DLGAP1: variants seen among roughly 807,000 people sequenced by gnomAD.
DLGAP1 encodes the protein disks large-associated protein 1.
A neutral mutation model predicts 90.8 loss-of-function variants in DLGAP1; 11 were observed. The observed-to-expected ratio is 0.12, with a 90% CI of 0.08 to 0.20. The LOEUF is 0.20. Ranked by LOEUF, DLGAP1 falls within the 10% of genes least tolerant of loss-of-function variation. The pLI, the probability that DLGAP1 is intolerant of heterozygous loss-of-function variation, is 1.00. For missense variants in DLGAP1, 1,050 were observed against 1,333.8 expected (o/e 0.79, Z 3.31); for synonymous variants, 558 against 540.7 (o/e 1.03, Z -0.44).
At chr18:4,337,105 C>T (rs1290544905) in intron 1 of DLGAP1, among the ~76,000 whole-genome samples, 1 of 144,304 alleles carries the variant, frequency 6.9e-6, no homozygotes, top group African/African-American at 2.6e-5. Flanking sequence ...CAGAGTGAGA[C>T]TCCATCTTAA....
chr18:3,582,653 T>G (rs973641901), intron 7 of DLGAP1, among the ~76,000 whole-genome samples: 5 of 151,996 alleles, frequency 3.3e-5, no homozygotes, highest in African/African-American at 9.7e-5. Flanking sequence ...ACAGAGTAAC[T>G]CATTAGAAGA....
chr18:3,873,693 A>T (rs886337122), intron 4 of DLGAP1, among the ~76,000 whole-genome samples: 5 of 152,196 alleles, frequency 3.3e-5, no homozygotes, highest in Admixed American at 6.5e-5. Context: ...TATTTAAAAG[A>T]TCCTGGATTC....
At chr18:3,799,513 T>TA (rs1555674712) in intron 5 of DLGAP1, among the ~76,000 whole-genome samples, 3 of 151,224 alleles carry the variant, frequency 2.0e-5, no homozygotes, top group Non-Finnish European at 4.4e-5. Context: ...TTTTTTTTTT[T>TA]AAATACAGGA....
intron 1 of DLGAP1, among the ~76,000 whole-genome samples, chr18:4,223,500 A>T (rs2078121990): frequency 6.6e-6 from 1 of 152,194 alleles, no homozygotes; most frequent in Non-Finnish European, 1.5e-5. Context: ...ATGTGCAAAG[A>T]TCACAGTATC....
At chr18:4,222,912 T>C (rs2078107728) in intron 1 of DLGAP1, among the ~76,000 whole-genome samples, 1 of 152,048 alleles carries the variant, frequency 6.6e-6, no homozygotes, top group South Asian at 2.1e-4. Flanking sequence ...AGTTAAAATA[T>C]TGGAATGACC....
intron 1 of DLGAP1, among the ~76,000 whole-genome samples, chr18:4,412,391 C>A (rs1038660088): frequency 2.0e-5 from 3 of 152,122 alleles, no homozygotes; most frequent in African/African-American, 7.2e-5. Context: ...TAGCAAGTGC[C>A]CTCATCAAGA....
At chr18:3,841,094 T>C (rs1408267887) in intron 4 of DLGAP1, among the ~76,000 whole-genome samples, 1 of 152,220 alleles carries the variant, frequency 6.6e-6, no homozygotes, top group African/African-American at 2.4e-5. Context: ...AGCAGTTTGC[T>C]TCCCCAGTGA....
intron 4 of DLGAP1, among the ~76,000 whole-genome samples, 184 bp downstream of exon 4, chr18:3,878,928 G>T (rs1478250373): frequency 1.3e-5 from 2 of 152,054 alleles, no homozygotes; most frequent in Non-Finnish European, 2.9e-5. Context: ...CGGTGAGGTC[G>T]GTAGCATTTG....
chr18:4,241,003 C>T (rs984334962), intron 1 of DLGAP1, among the ~76,000 whole-genome samples: 4 of 152,216 alleles, frequency 2.6e-5, no homozygotes, highest in Non-Finnish European at 4.4e-5. Flanking sequence ...GTTTAATCGA[C>T]GTACTGAGAA....
intron 1 of DLGAP1, among the ~76,000 whole-genome samples, chr18:4,380,083 A>G (rs915422983): frequency 2.0e-5 from 3 of 152,172 alleles, no homozygotes; most frequent in African/African-American, 7.2e-5. Flanking sequence ...ATGTCCTTCC[A>G]GGAAAAGAAT....
At chr18:4,422,224 C>T (rs1168736608) in intron 1 of DLGAP1, among the ~76,000 whole-genome samples, 13 of 151,354 alleles carry the variant, frequency 8.6e-5, no homozygotes, top group African/African-American at 2.9e-4. Flanking sequence ...AATATATGTA[C>T]GCACATGTAG....
chr18:4,448,026 T>G (rs2144885517), intron 1 of DLGAP1, among the ~76,000 whole-genome samples: 1 of 152,326 alleles, frequency 6.6e-6, no homozygotes, highest in Admixed American at 6.5e-5. Context: ...GAGAACCATC[T>G]TCTGGACCAG....
In DLGAP1 at chr18:4,383,610, A is replaced by C. The variant is rs900755441; in HGVS notation, c.-267+71396T>G. Among the ~76,000 whole-genome samples the C allele has an allele frequency of 6.6e-6, 1 of 152,110 alleles. No homozygotes were observed. Among genetic ancestry groups the C allele is most frequent in the Non-Finnish European group, 1.5e-5 (1 of 67,996 alleles). ...ATTAAAAAAAAAGGGATGTTTACCT[A>C]TGAGAATCAAGTAGAACTGCTTTCT... is the stretch of plus-strand genomic sequence containing the variant. On this transcript the variant is annotated intron_variant, in intron 1 of 12. Coordinates refer to ENST00000315677, the MANE Select transcript of DLGAP1 (RefSeq NM_004746.4). This position sits in a 1 kb window ranked among gnomAD's most constrained non-coding sequence, Gnocchi z 4.0.
chr18:3,562,539 CTT>C (rs59612709), intron 9 of DLGAP1, among the ~76,000 whole-genome samples: 10,923 of 117,398 alleles, frequency 0.093, 459 homozygotes, highest in African/African-American at 0.13. Context: ...TCTTCTCTCC[CTT>C]TTTTTTTTTT....
chr18:4,390,334 CTTG>C (rs1460425828), intron 1 of DLGAP1, among the ~76,000 whole-genome samples: 4 of 152,108 alleles, frequency 2.6e-5, no homozygotes, highest in Non-Finnish European at 4.4e-5. Flanking sequence ...CAGTGGTACA[CTTG>C]TTGTAATTGA....
intron 1 of DLGAP1, among the ~76,000 whole-genome samples, chr18:4,316,574 C>G (rs4797160): frequency 0.44 from 67,495 of 151,866 alleles, 16,114 homozygotes; most frequent in African/African-American, 0.61. Flanking sequence ...GAGTAGAGGG[C>G]ACCCCAAGCA....
chr18:3,979,602 T>C (rs1055781929), intron 3 of DLGAP1, among the ~76,000 whole-genome samples: 7 of 152,210 alleles, frequency 4.6e-5, no homozygotes, highest in Non-Finnish European at 8.8e-5. Context: ...GGTAAAAGTG[T>C]ACAAAGTTTC....
intron 4 of DLGAP1, among the ~76,000 whole-genome samples, chr18:3,829,647 T>C (rs925266889): frequency 1.3e-5 from 2 of 152,228 alleles, no homozygotes; most frequent in African/African-American, 4.8e-5. Flanking sequence ...CTGGAGTTGA[T>C]TCTGCAGTCT....
chr18:3,628,282 C>T (rs118058858), intron 7 of DLGAP1, among the ~76,000 whole-genome samples: 5 of 151,424 alleles, frequency 3.3e-5, no homozygotes, highest in African/African-American at 9.7e-5. Context: ...CTCTGCCTCC[C>T]GGGTTCGAGC....
Sources: gnomAD v4.1 joint callset for allele counts (sites outside exome capture counted in the v4.1 genomes callset) on GRCh38, gnomAD v4.1.1 for gene constraint, Gnocchi (gnomAD v3.1) non-coding constraint, MANE v1.5 for transcripts, NCBI Gene and HGNC (gene_info 2026-07-23, HGNC 2026-07-21) for gene names.